The following PIK3R5 variants were observed in gnomAD, a reference collection of about 807,000 sequenced individuals.
The protein encoded by PIK3R5 is phosphoinositide-3-kinase regulatory subunit 5, also known as phosphoinositide 3-kinase regulatory subunit 5.
Under a neutral mutation model 94.9 loss-of-function variants are expected in PIK3R5, and 32 were observed. That is an observed-to-expected ratio of 0.34 (90% confidence interval 0.25 to 0.45). The LOEUF (loss-of-function observed/expected upper bound fraction) is 0.45, where lower values mean the gene tolerates loss of function less well. Among genes scored for constraint, PIK3R5 ranks in the 20% least tolerant of loss-of-function variants. PIK3R5 has a pLI of 1.00. For missense variants in PIK3R5, 853 were observed against 1,144.6 expected (o/e 0.75, Z 3.68); for synonymous variants, 443 against 479.4 (o/e 0.92, Z 0.99).
chr17:8,911,078 C>G lies in PIK3R5; in HGVS notation c.103+314G>C, dbSNP rs891834486. 6.6e-6 allele frequency among the ~76,000 whole-genome samples: 1 copy of G among 152,190 alleles called. No individual in the cohort carries two copies. Among genetic ancestry groups the G allele is most frequent in the African/African-American group, 2.4e-5 (1 of 41,430 alleles). On this transcript the variant is annotated intron_variant, in intron 2 of 18. Transcript: ENST00000447110. The surrounding 1 kb of genome is among the most constrained non-coding windows in gnomAD (Gnocchi z 5.3). The stretch of plus-strand genomic sequence containing the variant: ...CTGGGGAGAGCTGCCTGTGAATTCC[C>G]AGCTGCTTTTTCAGAATCAGCAGTT...
chr17:8,948,294 A>T (rs1410621954), intron 1 of PIK3R5, among the ~76,000 whole-genome samples: 1 of 152,138 alleles, frequency 6.6e-6, no homozygotes, highest in African/African-American at 2.4e-5. Context: ...GAGAATGGTT[A>T]ACCCACTGGA....
intron 1 of PIK3R5, among the ~76,000 whole-genome samples, chr17:8,952,949 C>G (rs1378618497): frequency 1.3e-5 from 2 of 152,140 alleles, no homozygotes; most frequent in Non-Finnish European, 2.9e-5. Flanking sequence ...CCTTCAACAG[C>G]CCCTGGACAG....
Position 8,890,691 on chromosome 17 carries a change from C to G in PIK3R5, c.657+47G>C. The G allele has an allele frequency of 6.6e-7, 1 of 1,518,406 alleles. No individual in the cohort carries two copies. The highest frequency in any genetic ancestry group is 9.0e-7 in the Non-Finnish European group (1 of 1,116,152). The allele number at this position is 1,518,406 out of a possible 1,614,324, so 94.1% of individuals were successfully genotyped here. Reference sequence around the variant, plus strand: ...AGATGAAGCAGGGAGAGGGTGCTACCTCCTCAGAGAGGTGCTCCACCAGAG... The same window carrying G: ...AGATGAAGCAGGGAGAGGGTGCTACGTCCTCAGAGAGGTGCTCCACCAGAG... On this transcript the variant is annotated intron_variant, in intron 7 of 18. Transcript: ENST00000447110. This position sits in a 1 kb window ranked among gnomAD's most constrained non-coding sequence, Gnocchi z 6.1.
chr17:8,909,150 C>A lies in PIK3R5; in HGVS notation c.128G>T (p.Ser43Ile). 1 of 1,604,138 alleles carries A rather than the reference C, an allele frequency of 6.2e-7. No homozygotes were observed. The highest frequency in any genetic ancestry group is 1.3e-5 in the African/African-American group (1 of 74,650). ...GTCCCTGCTGACCAGCTCCTGCAGG[C>A]TCCAGCAGTTCAGACACAGCCCAGC... ...WSAGLCLNCW[S>I]LQELVSRDPG... The change falls in exon 3 of 19, where the codon AGC (serine) becomes ATC (isoleucine). Residue 43 changes from serine to isoleucine, a missense_variant. By Grantham distance (142) the Ser-to-Ile change is moderately radical. Coordinates refer to ENST00000447110, the MANE Select transcript of PIK3R5 (RefSeq NM_001142633.3). The surrounding 1 kb of genome is among the most constrained non-coding windows in gnomAD (Gnocchi z 4.3).
At chr17:8,915,194 G>A (rs1028919183) in intron 1 of PIK3R5, among the ~76,000 whole-genome samples, 7 of 152,002 alleles carry the variant, frequency 4.6e-5, no homozygotes, top group Non-Finnish European at 1.0e-4. Context: ...AGGCTGAGGC[G>A]GGTGGATCAC....
In PIK3R5 at chr17:8,886,505, G is replaced by A; in HGVS notation, c.2006C>T (p.Pro669Leu). The change falls in exon 13 of 19, where the codon CCG (proline) becomes CTG (leucine). Residue 669 changes from proline (P) to leucine (L), a missense_variant. Pro to Leu is a moderately conservative substitution (Grantham distance 98). Transcript: ENST00000447110. ...LLYYCRFAARPVLLQVYQTEL... is the reference protein window; with the variant it reads ...LLYYCRFAARLVLLQVYQTEL... ...GGTCTGATAGACTTGCAGCAGCACC[G>A]GTCTGGCGGCAAAGCGGCAGTAGTA... is the stretch of plus-strand genomic sequence containing the variant. The A allele has an allele frequency of 4.3e-6, 7 of 1,610,200 alleles. No homozygotes were observed. Among genetic ancestry groups the A allele is most frequent in the Non-Finnish European group, 5.9e-6 (7 of 1,178,040 alleles).
At chr17:8,921,181 T>C (rs772952381) in intron 1 of PIK3R5, among the ~76,000 whole-genome samples, 2 of 152,228 alleles carry the variant, frequency 1.3e-5, no homozygotes, top group Non-Finnish European at 2.9e-5. Context: ...TCTTTCAATG[T>C]TTTTGACATT....
intron 5 of PIK3R5, among the ~76,000 whole-genome samples, chr17:8,894,165 C>T (rs2090093610): frequency 6.6e-6 from 1 of 152,200 alleles, no homozygotes; most frequent in Non-Finnish European, 1.5e-5. Context: ...CTTTAACAGT[C>T]TATGATTCCC....
chr17:8,913,993 C>G (rs1390404970), intron 1 of PIK3R5, among the ~76,000 whole-genome samples: 1 of 152,228 alleles, frequency 6.6e-6, no homozygotes, highest in East Asian at 1.9e-4. Flanking sequence ...CCTCATCTTT[C>G]TGCCTCCCAT....
In PIK3R5 at chr17:8,909,828, C is replaced by T. The variant is rs1157439871; in HGVS notation, c.104-654G>A. On this transcript the variant is annotated intron_variant, in intron 2 of 18. Coordinates refer to ENST00000447110, the MANE Select transcript of PIK3R5 (RefSeq NM_001142633.3). The surrounding 1 kb of genome is among the most constrained non-coding windows in gnomAD (Gnocchi z 4.3). ...CTGCCCTGGTTTCCTACAGTGGGTTCTGGTACCTATGAGTTGCAGGGAGGT... is the reference window on the plus strand; with the variant it reads ...CTGCCCTGGTTTCCTACAGTGGGTTTTGGTACCTATGAGTTGCAGGGAGGT... Among the ~76,000 whole-genome samples, 4 of 152,182 alleles carry T rather than the reference C, an allele frequency of 2.6e-5. No individual in the cohort carries two copies. The highest frequency in any genetic ancestry group is 5.9e-5 in the Non-Finnish European group (4 of 68,036).
chr17:8,887,532 C>A lies in PIK3R5; in HGVS notation c.1768G>T (p.Ala590Ser). The change falls in exon 11 of 19, where the codon GCC becomes TCC. Residue 590 changes from alanine (A) to serine (S), a missense_variant. By Grantham distance (99) the Ala-to-Ser change is moderately conservative (BLOSUM62 1). Transcript: ENST00000447110. ...GGCTGGGGACATACTCCAGGGCTGG[C>A]GTGCCTAGGGGAGTCTGTCGGGGGT... ...PSPPTDSPRH[A>S]SPGELGTTPW... 6.2e-7 allele frequency: 1 copy of A among 1,605,332 alleles called. No individual in the cohort carries two copies. Among genetic ancestry groups the A allele is most frequent in the Non-Finnish European group, 8.5e-7 (1 of 1,176,118 alleles).
chr17:8,891,884 G>A (rs1458681271), intron 6 of PIK3R5, among the ~76,000 whole-genome samples: 6 of 152,000 alleles, frequency 3.9e-5, no homozygotes, highest in Non-Finnish European at 5.9e-5. Flanking sequence ...GATCACAGGC[G>A]TGAGCCACCG....
chr17:8,964,473 G>A (rs2091629035), intron 1 of PIK3R5, among the ~76,000 whole-genome samples: 1 of 152,174 alleles, frequency 6.6e-6, no homozygotes, highest in Non-Finnish European at 1.5e-5. Flanking sequence ...CTGAGGCTGG[G>A]TTGGGGGACA....
intron 5 of PIK3R5, among the ~76,000 whole-genome samples, chr17:8,894,527 A>T (rs1398897845): frequency 6.6e-6 from 1 of 152,126 alleles, no homozygotes; most frequent in Non-Finnish European, 1.5e-5. Flanking sequence ...CCCAGCCCGC[A>T]TCCCCTTTCT....
chr17:8,917,849 C>T (rs1362035882), intron 1 of PIK3R5, among the ~76,000 whole-genome samples: 4 of 151,710 alleles, frequency 2.6e-5, no homozygotes, highest in Non-Finnish European at 5.9e-5. Context: ...CTAGGTGACA[C>T]AGCAAGACTC....
In PIK3R5 at chr17:8,890,815, T is replaced by C; in HGVS notation, c.580A>G (p.Thr194Ala). The C allele has an allele frequency of 6.2e-7, 1 of 1,613,300 alleles. No homozygotes were observed. Among genetic ancestry groups the C allele is most frequent in the Non-Finnish European group, 8.5e-7 (1 of 1,179,728 alleles). Reference sequence around the variant, plus strand: ...TGGAAGGCGTGCAGGAGCAGGGTGGTGTAGGCACTGTGAGGCGAGTGTCCG... The same window carrying C: ...TGGAAGGCGTGCAGGAGCAGGGTGGCGTAGGCACTGTGAGGCGAGTGTCCG... ...TPGHSPHSAY[T>A]TLLLHAFQAT... is the part of the protein sequence containing the mutation. Residue 194 changes from threonine (T) to alanine (A), a missense_variant, in exon 7 of 19, where the codon ACC becomes GCC. By Grantham distance (58) the Thr-to-Ala change is moderately conservative. Around this residue, in one of 6 missense-constraint regions of PIK3R5, gnomAD observed 161 missense variants for 249.5 expected, o/e 0.65. Transcript: ENST00000447110. This position sits in a 1 kb window ranked among gnomAD's most constrained non-coding sequence, Gnocchi z 6.1.
At position 8,892,797 on chromosome 17, in the gene PIK3R5, G is replaced by T. The variant is rs949490509; in HGVS notation, c.482+789C>A. Among the ~76,000 whole-genome samples the T allele has an allele frequency of 6.6e-6, 1 of 152,172 alleles. No homozygotes were observed. The highest frequency in any genetic ancestry group is 2.4e-5 in the African/African-American group (1 of 41,426). On this transcript the variant is annotated intron_variant, in intron 6 of 18. Transcript: ENST00000447110. This position sits in a 1 kb window ranked among gnomAD's most constrained non-coding sequence, Gnocchi z 4.3. ...GGGCTGGGAATGAGGAGGGCCGGGG[G>T]CCTATAATTTCTGAGGTGGTGAAGG...
intron 1 of PIK3R5, among the ~76,000 whole-genome samples, chr17:8,924,439 T>G (rs1456997283): frequency 6.6e-6 from 1 of 152,094 alleles, no homozygotes; most frequent in Non-Finnish European, 1.5e-5. Flanking sequence ...GATATGAATA[T>G]TTCATAGTTT....
intron 1 of PIK3R5, among the ~76,000 whole-genome samples, chr17:8,922,106 A>G (rs2090761757): frequency 7.1e-6 from 1 of 141,542 alleles, no homozygotes; most frequent in Admixed American, 7.0e-5. Context: ...TTCATTCTCC[A>G]TGAGTTTCAG....
Sources: allele counts gnomAD v4.1 joint callset (sites outside exome capture counted in the v4.1 genomes callset), GRCh38; gene constraint gnomAD v4.1.1; regional missense constraint gnomAD v4.1.1; non-coding constraint Gnocchi (gnomAD v3.1); transcripts MANE v1.5; gene names NCBI Gene and HGNC (gene_info 2026-07-23, HGNC 2026-07-21).